The following MGAT5 variants were observed in gnomAD, a reference collection of about 807,000 sequenced individuals.
The protein encoded by MGAT5 is alpha-1,6-mannosylglycoprotein 6-beta-N-acetylglucosaminyltransferase.
A neutral mutation model predicts 94.3 loss-of-function variants in MGAT5; 30 were observed. The ratio of observed to expected loss-of-function variants is 0.32; its 90% CI spans 0.24 to 0.43. The LOEUF (loss-of-function observed/expected upper bound fraction) is 0.43, where lower values mean the gene tolerates loss of function less well. Ranked by LOEUF, MGAT5 falls within the 20% of genes least tolerant of loss-of-function variation. The pLI, the probability that MGAT5 is intolerant of heterozygous loss-of-function variation, is 1.00. For synonymous variants in MGAT5, 310 were observed against 322.9 expected (o/e 0.96, Z 0.43); for missense variants, 691 against 905.5 (o/e 0.76, Z 3.04).
intron 1 of MGAT5, among the ~76,000 whole-genome samples, chr2:134,137,797 G>A (rs1349020133): frequency 2.6e-5 from 4 of 151,238 alleles, no homozygotes; most frequent in African/African-American, 9.7e-5. Context: ...TATTGAGGCA[G>A]TTACATTACA....
At chr2:134,408,437 G>A (rs1360499743) in intron 11 of MGAT5, among the ~76,000 whole-genome samples, 1 of 152,220 alleles carries the variant, frequency 6.6e-6, no homozygotes, top group East Asian at 1.9e-4. Context: ...TGTGGTTTGG[G>A]TTTTTGTTTC....
intron 1 of MGAT5, among the ~76,000 whole-genome samples, chr2:134,244,846 TA>T (rs1207666536): frequency 6.6e-6 from 1 of 152,178 alleles, no homozygotes; most frequent in Non-Finnish European, 1.5e-5. Context: ...TAATGGCATC[TA>T]GTGGCTAGAG....
At chr2:134,326,286 C>T (rs529522236) in intron 4 of MGAT5, among the ~76,000 whole-genome samples, 6 of 151,910 alleles carry the variant, frequency 3.9e-5, no homozygotes, top group South Asian at 2.1e-4. Context: ...TTTTTATTAT[C>T]GTTATGTAGT....
intron 1 of MGAT5, among the ~76,000 whole-genome samples, chr2:134,236,071 C>T (rs1371496604): frequency 6.6e-6 from 1 of 152,146 alleles, no homozygotes; most frequent in Non-Finnish European, 1.5e-5. Flanking sequence ...GCCTCAGACA[C>T]CACCTATTTC....
At chr2:134,316,178 A>G (rs1686985948) in intron 2 of MGAT5, among the ~76,000 whole-genome samples, 1 of 152,192 alleles carries the variant, frequency 6.6e-6, no homozygotes, top group Non-Finnish European at 1.5e-5. Context: ...GGTCATTCCT[A>G]CATAACAGTG....
At chr2:134,405,488 T>C (rs540135680) in intron 11 of MGAT5, among the ~76,000 whole-genome samples, 1 of 152,360 alleles carries the variant, frequency 6.6e-6, no homozygotes, top group African/African-American at 2.4e-5. Flanking sequence ...CCTTTGGCTT[T>C]GAAATAATGA....
chr2:134,237,125 G>A lies in MGAT5; in HGVS notation c.-142-17137G>A, dbSNP rs72846758. ...GGTAGGTTATGTAGAAGGAGTATATGTGTGTGTGTGTGTGTGTGTGTGTGC... is the reference window on the plus strand; with the variant it reads ...GGTAGGTTATGTAGAAGGAGTATATATGTGTGTGTGTGTGTGTGTGTGTGC... On this transcript the variant is annotated intron_variant, in intron 1 of 16. Transcript: ENST00000409645. Among the ~76,000 whole-genome samples the A allele has an allele frequency of 7.9e-3, 718 of 90,980 alleles. 5 individuals carry two copies. Among genetic ancestry groups the A allele is most frequent in the African/African-American group, 0.021 (610 of 29,660 alleles). 59.7% of individuals were successfully genotyped at this position (90,980 alleles called of 152,430 possible).
intron 1 of MGAT5, among the ~76,000 whole-genome samples, chr2:134,195,509 G>A (rs1679451377): frequency 2.6e-5 from 4 of 152,182 alleles, no homozygotes; most frequent in Admixed American, 2.6e-4. Flanking sequence ...TCTGGAGTCT[G>A]AAATATCCCA....
At chr2:134,253,928 C>T (rs549537241), upstream of MGAT5, among the ~76,000 whole-genome samples, 2 of 152,248 alleles carry the variant, frequency 1.3e-5, no homozygotes, top group South Asian at 2.1e-4. Flanking sequence ...ATGACTCCAC[C>T]CTCCCCGTTT....
intron 1 of MGAT5, among the ~76,000 whole-genome samples, chr2:134,135,041 T>A (rs1437554000): frequency 6.6e-6 from 1 of 152,244 alleles, no homozygotes; most frequent in Non-Finnish European, 1.5e-5. Context: ...TGACACATTT[T>A]AAAAATTTCA....
intron 1 of MGAT5, among the ~76,000 whole-genome samples, chr2:134,189,592 G>GGTTTTTTTTTTT (rs1689216860): frequency 1.8e-5 from 1 of 56,316 alleles, no homozygotes; most frequent in African/African-American, 6.2e-5. Flanking sequence ...CATGGCTCTA[G>GGTTTTTTTTTTT]TTTTTTTTTG....
At chr2:134,381,563 A>C (rs4954139) in intron 10 of MGAT5, among the ~76,000 whole-genome samples, 146,562 of 150,816 alleles carry the variant, frequency 0.97, 71,283 homozygotes, top group East Asian at 1. Context: ...AGATAGCACT[A>C]CAGCCTGGGC....
chr2:134,425,496 A>G (rs1684529315), intron 13 of MGAT5, among the ~76,000 whole-genome samples: 1 of 151,756 alleles, frequency 6.6e-6, no homozygotes, highest in African/African-American at 2.4e-5. Flanking sequence ...GAACAGGGGG[A>G]TGAGATGACC....
intron 10 of MGAT5, among the ~76,000 whole-genome samples, chr2:134,363,333 C>A (rs957482697): frequency 6.6e-6 from 1 of 152,124 alleles, no homozygotes; most frequent in Admixed American, 6.5e-5. Flanking sequence ...GCTTTTCTGA[C>A]CCTGTGTTCA....
chr2:134,441,466 C>T (rs1001402511), intron 14 of MGAT5, among the ~76,000 whole-genome samples: 7 of 152,162 alleles, frequency 4.6e-5, no homozygotes, highest in East Asian at 1.9e-4. Context: ...CACGGGCAGG[C>T]GTGGTGCCAA....
chr2:134,301,260 T>A (rs1431587122), intron 2 of MGAT5, among the ~76,000 whole-genome samples: 1 of 152,138 alleles, frequency 6.6e-6, no homozygotes, highest in Non-Finnish European at 1.5e-5. Flanking sequence ...CCATAATTGG[T>A]TTATCTGTTT....
intron 2 of MGAT5, among the ~76,000 whole-genome samples, chr2:134,293,507 C>T (rs1418293628): frequency 6.6e-6 from 1 of 151,874 alleles, no homozygotes; most frequent in African/African-American, 2.4e-5. Context: ...CAAACTCTGT[C>T]ACCTAGGCTG....
chr2:134,135,985 AT>A (rs1686393652), intron 1 of MGAT5, among the ~76,000 whole-genome samples: 1 of 152,248 alleles, frequency 6.6e-6, no homozygotes, highest in Non-Finnish European at 1.5e-5. Flanking sequence ...GTGAACTTGC[AT>A]GGGAAAATAT....
chr2:134,361,104 T>C (rs1378864104), intron 9 of MGAT5, among the ~76,000 whole-genome samples: 1 of 152,202 alleles, frequency 6.6e-6, no homozygotes, highest in Non-Finnish European at 1.5e-5. Flanking sequence ...TGCCCATCTG[T>C]CTGTCTGAAA....
Sources: gnomAD v4.1 joint callset for allele counts (sites outside exome capture counted in the v4.1 genomes callset) on GRCh38, gnomAD v4.1.1 for gene constraint, MANE v1.5 for transcripts, NCBI Gene and HGNC (gene_info 2026-07-23, HGNC 2026-07-21) for gene names.